Variants in MAP3K13 observed in about 807,000 individuals in gnomAD.
MAP3K13 encodes leucine zipper-bearing kinase.
In MAP3K13, 52 loss-of-function variants were observed where a neutral mutation model predicts 104.0. The ratio of observed to expected loss-of-function variants is 0.50; its 90% confidence interval spans 0.40 to 0.63. The LOEUF is 0.63. Among genes scored for constraint, MAP3K13 ranks in the 20% least tolerant of loss-of-function variants. The pLI is 0.00. For synonymous variants in MAP3K13, 394 were observed against 442.2 expected (o/e 0.89, Z 1.37); for missense variants, 914 against 1,218.5 (o/e 0.75, Z 3.72).
At chr3:185,409,596 A>G (rs749312070) in intron 1 of MAP3K13, among the ~76,000 whole-genome samples, 10 of 152,268 alleles carry the variant, frequency 6.6e-5, no homozygotes, top group Middle Eastern at 3.4e-3. Context: ...AAAAACACAC[A>G]TAGAACTGCC....
In MAP3K13 at chr3:185,484,576, T is replaced by C. The variant is rs967122791; in HGVS notation, c.*2120T>C. ...AGGCAGGAGGGAATTTAGAGTTCCT[T>C]TTGCTTGTTTGATCCATTTGTTTAC... is the stretch of plus-strand genomic sequence containing the variant. On this transcript the variant is annotated 3_prime_UTR_variant, in exon 14 of 14. Transcript: ENST00000265026. 6.6e-6 allele frequency: 1 copy of C among 152,216 alleles called. No individual in the cohort carries two copies. Among genetic ancestry groups the C allele is most frequent in the African/African-American group, 2.4e-5 (1 of 41,464 alleles). 9.4% of individuals were successfully genotyped at this position (152,216 alleles called of 1,614,324 possible).
intron 1 of MAP3K13, among the ~76,000 whole-genome samples, chr3:185,371,257 GTATAATT>G (rs1281356288): frequency 1.3e-5 from 2 of 151,986 alleles, no homozygotes; most frequent in Non-Finnish European, 2.9e-5. Context: ...TTCTTCATTT[GTATAATT>G]GTCAAGCCAA....
intron 5 of MAP3K13, 113 bp from the exon 6 acceptor site, chr3:185,449,787 T>C (rs1297519013): frequency 1.1e-6 from 1 of 884,724 alleles, no homozygotes; most frequent in East Asian, 2.8e-5. Flanking sequence ...TATAGCAGTA[T>C]TAGAATTTTA....
chr3:185,307,544 C>CG (rs1560041639), intron 2 of MAP3K13, among the ~76,000 whole-genome samples: 1 of 42,490 alleles, frequency 2.4e-5, no homozygotes, highest in East Asian at 6.7e-4. Flanking sequence ...GTGCACCACC[C>CG]CCTCCCCCGC....
intron 2 of MAP3K13, among the ~76,000 whole-genome samples, chr3:185,324,452 TC>T (rs1721978127): frequency 6.6e-6 from 1 of 152,150 alleles, no homozygotes; most frequent in Non-Finnish European, 1.5e-5. Context: ...ATCTTTTGAT[TC>T]CTCCCATTTT....
At chr3:185,443,726 C>A in intron 4 of MAP3K13, 90 bp downstream of exon 4, 1 of 1,094,306 alleles carries the variant, frequency 9.1e-7, no homozygotes, top group South Asian at 1.4e-5. Context: ...TTTCAGACAT[C>A]ATACCTTTAG....
At chr3:185,308,569 C>T (rs1413001754) in intron 2 of MAP3K13, among the ~76,000 whole-genome samples, 1 of 152,172 alleles carries the variant, frequency 6.6e-6, no homozygotes, top group Non-Finnish European at 1.5e-5. Context: ...TGTCTTCTGT[C>T]GGCTGTGCTG....
intron 1 of MAP3K13, among the ~76,000 whole-genome samples, chr3:185,370,095 G>A (rs1560069382): frequency 6.6e-6 from 1 of 152,158 alleles, no homozygotes; most frequent in Non-Finnish European, 1.5e-5. Context: ...TAAGATTCTT[G>A]GAACCTGGAT....
At chr3:185,321,910 G>A (rs1249062614) in intron 2 of MAP3K13, among the ~76,000 whole-genome samples, 3 of 152,160 alleles carry the variant, frequency 2.0e-5, no homozygotes, top group African/African-American at 7.2e-5. Context: ...GGCCGTGACT[G>A]AGTTTTAATA....
At chr3:185,343,983 A>G (rs2108723930) in intron 2 of MAP3K13, among the ~76,000 whole-genome samples, 1 of 152,330 alleles carries the variant, frequency 6.6e-6, no homozygotes, top group Admixed American at 6.5e-5. Context: ...GTGGAAAAAC[A>G]TTTCTTATTT....
exon 2 of MAP3K13, chr3:185,285,636 T>TG (rs1353073476): frequency 1.9e-5 from 29 of 1,534,972 alleles, no homozygotes; most frequent in Non-Finnish European, 2.5e-5. Context: ...CCTAGCACTC[T>TG]GGGAGAGGTA....
chr3:185,292,084 G>A, intron 2 of MAP3K13: 1 of 762,896 alleles, frequency 1.3e-6, no homozygotes, highest in Non-Finnish European at 1.6e-6. Context: ...GCAGCTGGAT[G>A]CCCCAAGGTC....
chr3:185,341,104 T>C (rs908240681), intron 2 of MAP3K13, among the ~76,000 whole-genome samples: 1 of 152,172 alleles, frequency 6.6e-6, no homozygotes, highest in African/African-American at 2.4e-5. Context: ...CAACACCAAA[T>C]AGTGTCCCCC....
chr3:185,354,099 A>G (rs12497811), intron 2 of MAP3K13, among the ~76,000 whole-genome samples: 110,161 of 151,848 alleles, frequency 0.73, 42,327 homozygotes, highest in Non-Finnish European at 0.86. Flanking sequence ...ATCGGCTATC[A>G]TCTGGTCTAG....
chr3:185,437,689 C>G, intron 3 of MAP3K13, 59 bp downstream of exon 3: 4 of 1,466,726 alleles, frequency 2.7e-6, no homozygotes, highest in Non-Finnish European at 3.7e-6. Context: ...CCAATATATA[C>G]ACACAAGTTT....
At chr3:185,419,252 T>C (rs529189604) in intron 1 of MAP3K13, among the ~76,000 whole-genome samples, 16 of 152,358 alleles carry the variant, frequency 1.1e-4, no homozygotes, top group African/African-American at 3.8e-4. Flanking sequence ...TCCTTCCACC[T>C]TGGCCTCCCA....
At chr3:185,362,949 ACACACACG>A (rs763251489), upstream of MAP3K13, 44,450 of 145,932 alleles carry the variant, frequency 0.3, 8,562 homozygotes, top group Middle Eastern at 0.42. Flanking sequence ...ACACACACAC[ACACACACG>A]CACACACACA....
In MAP3K13 at chr3:185,473,111, A is replaced by T; in HGVS notation, c.1780A>T (p.Asn594Tyr). The stretch of plus-strand genomic sequence containing the variant: ...AAGCAAACCACGCCACCGCCGAGGG[A>T]ATAGCAGAGGCAGCCATAGTGACTT... ...YRSKPRHRRGNSRGSHSDFAA... is the reference protein window; with the variant it reads ...YRSKPRHRRGYSRGSHSDFAA... The change falls in exon 11 of 14, where the codon AAT becomes TAT. Residue 594 changes from asparagine (N) to tyrosine (Y), a missense_variant. Physicochemically the swap from Asn to Tyr is moderately radical, Grantham distance 143 (BLOSUM62 -2). This residue lies in a region of MAP3K13 where 583 missense variants were observed against 737.4 expected (regional missense o/e 0.79). Coordinates refer to ENST00000265026, the MANE Select transcript of MAP3K13 (RefSeq NM_004721.5). This position sits in a 1 kb window ranked among gnomAD's most constrained non-coding sequence, Gnocchi z 4.9. 4 of 1,614,202 alleles carry T rather than the reference A, an allele frequency of 2.5e-6. No individual in the cohort carries two copies. The highest frequency in any genetic ancestry group is 3.4e-6 in the Non-Finnish European group (4 of 1,180,042).
chr3:185,432,583 G>A (rs1393873062), intron 2 of MAP3K13, among the ~76,000 whole-genome samples: 1 of 151,896 alleles, frequency 6.6e-6, no homozygotes, highest in Non-Finnish European at 1.5e-5. Flanking sequence ...TGGTTTTTAG[G>A]GTCTCTGCTT....
Sources: gnomAD v4.1 joint callset for allele counts (sites outside exome capture counted in the v4.1 genomes callset) on GRCh38, gnomAD v4.1.1 for gene constraint, gnomAD v4.1.1 regional missense constraint, Gnocchi (gnomAD v3.1) non-coding constraint, MANE v1.5 for transcripts, NCBI Gene and HGNC (gene_info 2026-07-23, HGNC 2026-07-21) for gene names.